The following UBE4B variants were observed in gnomAD, a reference collection of about 807,000 sequenced individuals.
UBE4B encodes ubiquitin conjugation factor E4 B.
A neutral mutation model predicts 148.1 loss-of-function variants in UBE4B; 27 were observed. The observed-to-expected ratio is 0.18, with a 90% CI of 0.13 to 0.25. UBE4B has a LOEUF of 0.25. UBE4B is among the 10% of genes least tolerant of loss of function. The probability of loss-of-function intolerance (pLI) is 1.00; values close to 1 mark genes in which losing one functional copy is unlikely to be tolerated. For missense variants in UBE4B, 1,170 were observed against 1,662.4 expected, an observed-to-expected ratio of 0.70 and a Z score of 5.15; for synonymous variants, 596 against 619.3, an observed-to-expected ratio of 0.96 and a Z score of 0.56.
chr1:10,055,236 G>A (rs1644141378), intron 1 of UBE4B, among the ~76,000 whole-genome samples: 1 of 152,138 alleles, frequency 6.6e-6, no homozygotes, highest in Admixed American at 6.6e-5. Flanking sequence ...TGGAACAAAT[G>A]CTTGTGAAAA....
At chr1:10,175,442 G>T (rs150212272) in intron 25 of UBE4B, among the ~76,000 whole-genome samples, 1 of 151,336 alleles carries the variant, frequency 6.6e-6, no homozygotes, top group African/African-American at 2.4e-5. Flanking sequence ...ACAAGGTCAG[G>T]AGATCGAGAC....
At position 10,041,100 on chromosome 1, in the gene UBE4B, CAA is replaced by C. The variant is rs1425580239; in HGVS notation, c.24+7407_24+7408del. On this transcript the variant is annotated intron_variant, in intron 1 of 27. Transcript: ENST00000343090. ...TTCCTCTCCTTTTGTTCATTGTAGA[CAA>C]GAGACAGAGAATGATAATAAGGATA... Among the ~76,000 whole-genome samples, 8 of 152,148 alleles carry C rather than the reference CAA, an allele frequency of 5.3e-5. No homozygotes were observed. The East Asian group carries it at 1.5e-3, about 29-fold the overall frequency.
chr1:10,132,830 A>G (rs932936916), intron 15 of UBE4B, among the ~76,000 whole-genome samples: 1 of 152,198 alleles, frequency 6.6e-6, no homozygotes, highest in African/African-American at 2.4e-5. Flanking sequence ...CAGCCATTGT[A>G]GTGGCTGAGA....
intron 2 of UBE4B, among the ~76,000 whole-genome samples, chr1:10,076,499 C>T (rs1402293584): frequency 1.3e-5 from 2 of 151,910 alleles, no homozygotes; most frequent in African/African-American, 4.8e-5. Flanking sequence ...CTGCCTCGGC[C>T]TCCCAAAATG....
chr1:10,136,482 T>TAAAAAAAAAAAAAAAAAAA (rs35569014), intron 16 of UBE4B, among the ~76,000 whole-genome samples: 1 of 123,876 alleles, frequency 8.1e-6, no homozygotes. Context: ...AAGACCCTCT[T>TAAAAAAAAAAAAAAAAAAA]AAAAAAAAAA....
intron 10 of UBE4B, among the ~76,000 whole-genome samples, chr1:10,123,761 GTTGTT>G (rs901948982): frequency 2.6e-5 from 4 of 151,980 alleles, no homozygotes; most frequent in African/African-American, 7.2e-5. Context: ...AACCACCGTT[GTTGTT>G]TTGTTTTGTT....
intron 1 of UBE4B, among the ~76,000 whole-genome samples, chr1:10,051,107 G>C (rs561956037): frequency 2.6e-5 from 4 of 152,164 alleles, no homozygotes; most frequent in Non-Finnish European, 5.9e-5. Context: ...CCTGGGCTCA[G>C]ATGATTTTCC....
intron 1 of UBE4B, chr1:10,054,554 AT>A: frequency 3.2e-6 from 1 of 312,346 alleles, no homozygotes; most frequent in Non-Finnish European, 6.2e-6. Context: ...TTTTCTGATC[AT>A]TTTCCTTCAT....
At position 10,033,092 on chromosome 1, in the gene UBE4B, C is replaced by G. The variant is rs572115878; in HGVS notation, c.-579C>G. On this transcript the variant is annotated 5_prime_UTR_variant, in exon 1 of 28. Coordinates refer to ENST00000343090, the MANE Select transcript of UBE4B (RefSeq NM_001105562.3). ...CGCGCATCCCATCCTCCCCCTCCCC[C>G]CTACCCGGGCTCCGGCGTGGAGGCG... The G allele has an allele frequency of 6.6e-6, 1 of 152,622 alleles. No individual in the cohort carries two copies. Among genetic ancestry groups the G allele is most frequent in the Non-Finnish European group, 1.5e-5 (1 of 68,350 alleles). 9.5% of individuals were successfully genotyped at this position (152,622 alleles called of 1,614,324 possible). A position where few individuals can be genotyped will look rare whatever the true frequency, so the allele number is the denominator to read the frequency against.
At chr1:10,039,153 C>G (rs1405035779) in intron 1 of UBE4B, among the ~76,000 whole-genome samples, 1 of 151,976 alleles carries the variant, frequency 6.6e-6, no homozygotes, top group Non-Finnish European at 1.5e-5. Context: ...AGGAATCCAA[C>G]AGTTATAGAA....
intron 23 of UBE4B, among the ~76,000 whole-genome samples, chr1:10,166,738 A>C (rs1248051045): frequency 1.3e-5 from 2 of 152,110 alleles, no homozygotes; most frequent in Non-Finnish European, 2.9e-5. Context: ...AGCCTGGCCA[A>C]CATGGCGAAA....
At chr1:10,166,661 C>A (rs976086933) in intron 23 of UBE4B, among the ~76,000 whole-genome samples, 1 of 152,068 alleles carries the variant, frequency 6.6e-6, no homozygotes, top group African/African-American at 2.4e-5. Flanking sequence ...CATTGGCTCA[C>A]GCCTGTAATC....
intron 1 of UBE4B, among the ~76,000 whole-genome samples, chr1:10,052,989 T>C (rs1027634324): frequency 6.6e-6 from 1 of 152,106 alleles, no homozygotes; most frequent in Admixed American, 6.6e-5. Flanking sequence ...GGCTTTCTTT[T>C]ATAAGGGCAT....
intron 3 of UBE4B, among the ~76,000 whole-genome samples, chr1:10,095,935 C>A (rs1158594494): frequency 2.0e-5 from 3 of 152,048 alleles, no homozygotes; most frequent in African/African-American, 7.2e-5. Flanking sequence ...CCATGCCTGG[C>A]TAATTTTTGT....
In UBE4B at chr1:10,119,555, C is replaced by T. The variant is rs751961761; in HGVS notation, c.1381C>T (p.Arg461Cys). 8.1e-6 allele frequency: 13 copies of T among 1,613,708 alleles called. No homozygotes were observed. The highest frequency in any genetic ancestry group is 1.7e-4 in the Middle Eastern group (1 of 6,060). The change falls in exon 9 of 28, where the codon CGC becomes TGC. Residue 461 changes from arginine to cysteine, a missense_variant. By Grantham distance (180) the Arg-to-Cys change is radical. Transcript: ENST00000343090. Reference protein sequence around the residue: ...PAVSQLLSNIRSQCISHTALV... With the variant: ...PAVSQLLSNICSQCISHTALV... Reference sequence around the variant, plus strand: ...AGTCAGCCAGCTTCTGAGCAACATCCGCTCACAGTGCATATCCCATACTGC... The same window carrying T: ...AGTCAGCCAGCTTCTGAGCAACATCTGCTCACAGTGCATATCCCATACTGC...
chr1:10,140,820 A>G (rs1258969703), intron 17 of UBE4B, among the ~76,000 whole-genome samples: 3 of 152,176 alleles, frequency 2.0e-5, no homozygotes, highest in Non-Finnish European at 4.4e-5. Context: ...AAATCACATA[A>G]AGTAAATCCA....
chr1:10,043,534 T>C (rs1643854330), intron 1 of UBE4B, among the ~76,000 whole-genome samples: 1 of 150,028 alleles, frequency 6.7e-6, no homozygotes, highest in South Asian at 2.1e-4. Flanking sequence ...TCACACCATT[T>C]TCCTGCCTCA....
intron 8 of UBE4B, among the ~76,000 whole-genome samples, chr1:10,118,287 T>C (rs976212845): frequency 3.3e-4 from 50 of 152,176 alleles, no homozygotes; most frequent in African/African-American, 1.2e-3. Flanking sequence ...TGGGCTTTGT[T>C]GTACTTAGCC....
At chr1:10,045,929 T>C (rs560533862) in intron 1 of UBE4B, among the ~76,000 whole-genome samples, 3 of 152,350 alleles carry the variant, frequency 2.0e-5, no homozygotes, top group Non-Finnish European at 2.9e-5. Context: ...AAGTGGCAGC[T>C]GCTTAAGCCA....
Sources: gnomAD v4.1 joint callset for allele counts (sites outside exome capture counted in the v4.1 genomes callset) on GRCh38, gnomAD v4.1.1 for gene constraint, MANE v1.5 for transcripts, NCBI Gene and HGNC (gene_info 2026-07-23, HGNC 2026-07-21) for gene names.